LARS2: variants seen among roughly 807,000 people sequenced by gnomAD.
LARS2 encodes leucyl-tRNA synthetase 2, mitochondrial.
In LARS2, 81 loss-of-function variants were observed where a neutral mutation model predicts 116.6. That is an observed-to-expected ratio of 0.69 (90% CI 0.58 to 0.84). The LOEUF (loss-of-function observed/expected upper bound fraction) is 0.84. Ranked by LOEUF, LARS2 falls within the 40% of genes least tolerant of loss-of-function variation. LARS2 has a pLI of 0.00. For missense variants in LARS2, 968 were observed against 1,114.5 expected (o/e 0.87, Z 1.87); for synonymous variants, 396 against 407.2 (o/e 0.97, Z 0.33).
rs987611886 is a variant in LARS2 at position 45,400,343 on chromosome 3, A to G, written c.333A>G (p.Ile111Met). ...HVRVYTISDT[I>M]ARFQKMRGMQ... ...GTGTCTACACCATCAGCGACACCAT[A>G]GCACGGTTCCAGAAGATGAGAGGGA... Residue 111 changes from isoleucine to methionine, a missense_variant, in exon 4 of 22, where the codon ATA (isoleucine) becomes ATG (methionine). Physicochemically the swap from Ile to Met is conservative, Grantham distance 10 (BLOSUM62 1). Transcript: ENST00000645846. 6.2e-7 allele frequency: 1 copy of G among 1,612,866 alleles called. No homozygotes were observed. Among genetic ancestry groups the G allele is most frequent in the African/African-American group, 1.3e-5 (1 of 75,038 alleles).
At chr3:45,523,364 C>G (rs1301952897) in intron 19 of LARS2, among the ~76,000 whole-genome samples, 3 of 152,168 alleles carry the variant, frequency 2.0e-5, no homozygotes, top group African/African-American at 7.2e-5. Context: ...CAGAGGAAAC[C>G]TAGCAGAGTG....
intron 8 of LARS2, among the ~76,000 whole-genome samples, chr3:45,463,329 T>C (rs962560121): frequency 3.2e-4 from 49 of 152,192 alleles, no homozygotes; most frequent in African/African-American, 1.0e-3. Flanking sequence ...CCCTCCTTGG[T>C]GTTAAATGGA....
intron 7 of LARS2, among the ~76,000 whole-genome samples, chr3:45,457,357 A>AAC (rs1375795191): frequency 6.6e-6 from 1 of 152,220 alleles, no homozygotes; most frequent in Non-Finnish European, 1.5e-5. Context: ...GGTAATAGTG[A>AAC]ACACAATCTC....
intron 11 of LARS2, among the ~76,000 whole-genome samples, chr3:45,488,301 C>T (rs764577667): frequency 1.3e-5 from 2 of 152,042 alleles, no homozygotes; most frequent in Non-Finnish European, 2.9e-5. Flanking sequence ...GGCATGGTAG[C>T]GCACGCCTGT....
chr3:45,461,045 G>GA (rs1042027454), intron 8 of LARS2, among the ~76,000 whole-genome samples: 2 of 151,734 alleles, frequency 1.3e-5, no homozygotes, highest in African/African-American at 4.8e-5. Flanking sequence ...AATCAAGGGG[G>GA]AAAAAAAGGC....
At chr3:45,520,558 A>G (rs1700436776) in intron 19 of LARS2, among the ~76,000 whole-genome samples, 1 of 152,182 alleles carries the variant, frequency 6.6e-6, no homozygotes, top group Non-Finnish European at 1.5e-5. Context: ...GTTAGATGAC[A>G]TGTCTGGTTG....
chr3:45,481,839 TCA>T (rs1699708329), intron 10 of LARS2, among the ~76,000 whole-genome samples: 1 of 152,216 alleles, frequency 6.6e-6, no homozygotes, highest in African/African-American at 2.4e-5. Context: ...CACAAGTTTT[TCA>T]TTTTGATGAA....
At position 45,419,855 on chromosome 3, in the gene LARS2, T is replaced by G. The variant is rs956779447; in HGVS notation, c.516+126T>G. 3.0e-5 allele frequency: 22 copies of G among 742,090 alleles called. No individual in the cohort carries two copies. In the African/African-American group the frequency reaches 3.5e-4, roughly 12 times the overall value. The allele number at this position is 742,090 out of a possible 1,614,324, so 46.0% of individuals were successfully genotyped here. Reference sequence around the variant, plus strand: ...GAGGCAGGAAGCAGGAGGGAAGGATTAGCACTCTTCAAAAAGTATCCTGAG... The same window carrying G: ...GAGGCAGGAAGCAGGAGGGAAGGATGAGCACTCTTCAAAAAGTATCCTGAG... On this transcript the variant is annotated intron_variant, in intron 6 of 21. Transcript: ENST00000645846.
intron 15 of LARS2, among the ~76,000 whole-genome samples, chr3:45,511,771 ATTTTTT>A (rs67171643): frequency 2.3e-5 from 2 of 86,620 alleles, no homozygotes; most frequent in Non-Finnish European, 2.2e-5. Context: ...AATGCTGCTG[ATTTTTT>A]TTTTTTTTTT....
chr3:45,413,197 G>A (rs6764923), intron 4 of LARS2, among the ~76,000 whole-genome samples: 70,638 of 152,078 alleles, frequency 0.46, 17,615 homozygotes, highest in Non-Finnish European at 0.57. Context: ...ATGTTTGTGT[G>A]AGGATCTGTG....
chr3:45,457,591 T>TC (rs1273594326), intron 7 of LARS2, among the ~76,000 whole-genome samples: 1 of 152,018 alleles, frequency 6.6e-6, no homozygotes, highest in African/African-American at 2.4e-5. Context: ...GGCAGGAGAA[T>TC]CGCTTGAACC....
intron 14 of LARS2, among the ~76,000 whole-genome samples, chr3:45,496,772 TGGGTC>T (rs1700019671): frequency 6.6e-6 from 1 of 152,132 alleles, no homozygotes; most frequent in East Asian, 1.9e-4. Context: ...CACACCAGAG[TGGGTC>T]CACAGATGCA....
At position 45,400,259 on chromosome 3, in the gene LARS2, A is replaced by T. The variant is rs769893695; in HGVS notation, c.249A>T (p.Lys83Asn). 1.9e-6 allele frequency: 3 copies of T among 1,612,582 alleles called. No individual in the cohort carries two copies. The highest frequency in any genetic ancestry group is 8.5e-7 in the Non-Finnish European group (1 of 1,179,546). Residue 83 changes from lysine to asparagine, a missense_variant, in exon 4 of 22, where the codon AAA becomes AAT. Lys to Asn is a moderately conservative substitution (Grantham distance 94, BLOSUM62 0). Coordinates refer to ENST00000645846, the MANE Select transcript of LARS2 (RefSeq NM_015340.4). ...TTCTTTCCTAGAAATCGAAGCCAAA[A>T]TTTTACGTGCTTTCCATGTTCCCTT... ...KISEADKSKP[K>N]FYVLSMFPYP...
At chr3:45,419,482 G>A (rs932652800) in intron 5 of LARS2, among the ~76,000 whole-genome samples, 187 bp from the exon 6 acceptor site, 3 of 152,210 alleles carry the variant, frequency 2.0e-5, no homozygotes, top group African/African-American at 7.2e-5. Flanking sequence ...AATAATGGGT[G>A]TCTTCTAATC....
chr3:45,446,030 C>A (rs1021551769), intron 6 of LARS2, among the ~76,000 whole-genome samples: 2 of 152,318 alleles, frequency 1.3e-5, no homozygotes, highest in African/African-American at 4.8e-5. Context: ...GGCACAATCA[C>A]ACCACTGCAC....
chr3:45,530,757 G>A (rs890898957), intron 20 of LARS2, among the ~76,000 whole-genome samples: 3 of 152,142 alleles, frequency 2.0e-5, no homozygotes, highest in Admixed American at 6.5e-5. Flanking sequence ...ATTGTACATT[G>A]TGCTTCAATG....
At position 45,453,262 on chromosome 3, in the gene LARS2, G is replaced by A. The variant is rs189442240; in HGVS notation, c.607-5481G>A. The stretch of plus-strand genomic sequence containing the variant: ...GTTCCTTGTGCATTTTTTATCTGGA[G>A]TTGCTTATCTGGAGTCCTGTTGATC... On this transcript the variant is annotated intron_variant, in intron 7 of 21. Transcript: ENST00000645846. Among the ~76,000 whole-genome samples, 30 of 152,118 alleles carry A rather than the reference G, an allele frequency of 2.0e-4. No homozygotes were observed. The East Asian group carries it at 5.4e-3, about 27-fold the overall frequency.
At chr3:45,411,523 C>T (rs1291529235) in intron 4 of LARS2, among the ~76,000 whole-genome samples, 1 of 152,196 alleles carries the variant, frequency 6.6e-6, no homozygotes, top group African/African-American at 2.4e-5. Flanking sequence ...AGATTTGTGT[C>T]TATATCCTAT....
At chr3:45,518,183 T>C in intron 18 of LARS2, 111 bp downstream of exon 18, 1 of 750,560 alleles carries the variant, frequency 1.3e-6, no homozygotes, top group Non-Finnish European at 2.2e-6. Flanking sequence ...ACTGTGGGTC[T>C]TCCTTCCTGG....
Sources: allele counts gnomAD v4.1 joint callset (sites outside exome capture counted in the v4.1 genomes callset), GRCh38; gene constraint gnomAD v4.1.1; transcripts MANE v1.5; gene names NCBI Gene and HGNC (gene_info 2026-07-23, HGNC 2026-07-21).